ABCG2: variants seen among roughly 807,000 people sequenced by gnomAD.
ABCG2 encodes ATP binding cassette subfamily G member 2 (JR blood group).
In ABCG2, 80 loss-of-function variants were observed where a neutral mutation model predicts 73.5. The ratio of observed to expected loss-of-function variants is 1.09; its 90% CI spans 0.91 to 1.31. The LOEUF is 1.31. ABCG2 is among the 50% of genes most tolerant of loss of function. The probability of loss-of-function intolerance (pLI) is 0.00; values close to 1 mark genes in which losing one functional copy is unlikely to be tolerated. For missense variants in ABCG2, 796 were observed against 786.2 expected, an observed-to-expected ratio of 1.01 and a Z score of -0.15; for synonymous variants, 269 against 282.4, an observed-to-expected ratio of 0.95 and a Z score of 0.48.
rs1560741349 is a variant in ABCG2 at position 88,181,237 on chromosome 4, T to C, written c.-19-41223A>G. On this transcript the variant is annotated intron_variant, in intron 1 of 15. Coordinates refer to the ABCG2 transcript ENST00000515655. Reference sequence around the variant, plus strand: ...CAACATGGTGAAACCCCATCTCTACTAAAAATACAAAAACTAGACGAGCAT... The same window carrying C: ...CAACATGGTGAAACCCCATCTCTACCAAAAATACAAAAACTAGACGAGCAT... Among the ~76,000 whole-genome samples, 5 of 150,844 alleles carry C rather than the reference T, an allele frequency of 3.3e-5. No individual in the cohort carries two copies. In the South Asian group the frequency reaches 6.3e-4, roughly 19 times the overall value.
intron 7 of ABCG2, among the ~76,000 whole-genome samples, chr4:88,116,120 G>T (rs546064865): frequency 6.6e-6 from 1 of 152,230 alleles, no homozygotes; most frequent in African/African-American, 2.4e-5. Context: ...GCTTGAACCT[G>T]GGAGGTGGAG....
chr4:88,165,873 C>CAAAAAAAA (rs34377206), intron 1 of ABCG2, among the ~76,000 whole-genome samples: 1 of 138,176 alleles, frequency 7.2e-6, no homozygotes. Flanking sequence ...GACTCCATCT[C>CAAAAAAAA]AAAAAAAAAA....
chr4:88,147,632 A>G (rs1371517820), intron 1 of ABCG2, among the ~76,000 whole-genome samples: 2 of 152,202 alleles, frequency 1.3e-5, no homozygotes, highest in African/African-American at 4.8e-5. Context: ...ATTCCTATTA[A>G]GTGAAAGATT....
intron 10 of ABCG2, among the ~76,000 whole-genome samples, chr4:88,102,260 A>G (rs1722474947): frequency 6.6e-6 from 1 of 152,216 alleles, no homozygotes; most frequent in African/African-American, 2.4e-5. Flanking sequence ...AATGAAAAGG[A>G]ACACTATTAG....
intron 1 of ABCG2, among the ~76,000 whole-genome samples, chr4:88,146,648 C>T (rs939289957): frequency 6.6e-6 from 1 of 152,132 alleles, no homozygotes; most frequent in African/African-American, 2.4e-5. Flanking sequence ...CCTGCCTCAG[C>T]CTCCCAAAGT....
rs193124125 is a variant in ABCG2, at chr4:88,097,939, A to G, written c.1493-332T>C. ...ATCAATAGCACATTCATTTGCCCAT[A>G]CATCCTCACATTACTCATTGTGTGC... On this transcript the variant is annotated intron_variant, in intron 12 of 15. Coordinates refer to ENST00000237612, the MANE Select transcript of ABCG2 (RefSeq NM_004827.3). 1.5e-4 allele frequency among the ~76,000 whole-genome samples: 23 copies of G among 152,234 alleles called. 1 individual carries two copies. The highest frequency in any genetic ancestry group is 1.4e-3 in the Admixed American group (22 of 15,294).
At chr4:88,113,688 CACG>C in intron 8 of ABCG2, 135 bp from the exon 9 acceptor site, 1 of 1,170,548 alleles carries the variant, frequency 8.5e-7, no homozygotes, top group South Asian at 1.6e-5. Context: ...ATAGGCCAGG[CACG>C]GCGGCTCATG....
At chr4:88,187,836 G>T (rs558974141) in intron 1 of ABCG2, among the ~76,000 whole-genome samples, 1 of 152,250 alleles carries the variant, frequency 6.6e-6, no homozygotes, top group South Asian at 2.1e-4. Context: ...ACCAAATGGG[G>T]CAGTTTCTTA....
intron 1 of ABCG2, among the ~76,000 whole-genome samples, chr4:88,142,035 G>A (rs1725683873): frequency 6.6e-6 from 1 of 151,960 alleles, no homozygotes; most frequent in African/African-American, 2.4e-5. Flanking sequence ...CTAGTACACA[G>A]AAAACATCCA....
intron 9 of ABCG2, among the ~76,000 whole-genome samples, chr4:88,108,243 C>T (rs1722891397): frequency 6.6e-6 from 1 of 152,136 alleles, no homozygotes; most frequent in South Asian, 2.1e-4. Context: ...AAGAAATGGG[C>T]TGGGCGTGGT....
At chr4:88,164,345 G>A (rs1460171145) in intron 1 of ABCG2, among the ~76,000 whole-genome samples, 3 of 152,166 alleles carry the variant, frequency 2.0e-5, no homozygotes, top group Non-Finnish European at 4.4e-5. Context: ...GATTACAGGC[G>A]TGAGCTACGG....
At chr4:88,186,666 T>C (rs10016463) in intron 1 of ABCG2, among the ~76,000 whole-genome samples, 6,136 of 151,690 alleles carry the variant, frequency 0.04, 201 homozygotes, top group Admixed American at 0.065. Flanking sequence ...ACGCCTGTAA[T>C]CCCAGCACTT....
At chr4:88,164,656 A>T (rs1037330311) in intron 1 of ABCG2, among the ~76,000 whole-genome samples, 1 of 152,214 alleles carries the variant, frequency 6.6e-6, no homozygotes. Context: ...TAAATTACCC[A>T]GTCTCGGGTA....
At chr4:88,228,826 C>T (rs933080311) in intron 1 of ABCG2, among the ~76,000 whole-genome samples, 9 of 151,676 alleles carry the variant, frequency 5.9e-5, no homozygotes, top group South Asian at 2.1e-4. Flanking sequence ...GGATTGTAAA[C>T]GCACCAATCA....
intron 5 of ABCG2, 104 bp from the exon 6 acceptor site, chr4:88,121,896 G>T: frequency 8.7e-7 from 1 of 1,149,796 alleles, no homozygotes; most frequent in Non-Finnish European, 1.2e-6. Context: ...ATCTCATTAA[G>T]TTCATTTATT....
At position 88,144,596 on chromosome 4, in the gene ABCG2, C is replaced by T. The variant is rs190605325; in HGVS notation, c.-19-4582G>A. 1.3e-4 allele frequency among the ~76,000 whole-genome samples: 20 copies of T among 151,804 alleles called. No homozygotes were observed. In the East Asian group the frequency reaches 3.9e-3, roughly 30 times the overall value. On this transcript the variant is annotated intron_variant, in intron 1 of 15. Transcript: ENST00000237612. Reference sequence around the variant, plus strand: ...TCAGTCTCCCTAGTAGCTGGGATTACAGGCCGATGCCACAACGCCCAACTA... The same window carrying T: ...TCAGTCTCCCTAGTAGCTGGGATTATAGGCCGATGCCACAACGCCCAACTA...
In ABCG2 at chr4:88,118,011, T is replaced by C. The variant is rs2110015873; in HGVS notation, c.841+98A>G. 5 of 1,206,696 alleles carry C rather than the reference T, an allele frequency of 4.1e-6. No homozygotes were observed. In the South Asian group the frequency reaches 6.5e-5, roughly 16 times the overall value. 74.7% of individuals were successfully genotyped at this position (1,206,696 alleles called of 1,614,324 possible). A position where few individuals can be genotyped will look rare whatever the true frequency, so the allele number is the denominator to read the frequency against. On this transcript the variant is annotated intron_variant, in intron 7 of 15. Coordinates refer to ENST00000237612, the MANE Select transcript of ABCG2 (RefSeq NM_004827.3). ...TGAAGTGATAGATTCTCATGGTATG[T>C]CTACCCAAAGACCAAACAGCACTCC...
rs981048551 is a variant in ABCG2 at position 88,114,845 on chromosome 4, G to A, written c.943+112C>T. The A allele has an allele frequency of 9.2e-6, 6 of 648,932 alleles. 1 individual carries two copies. The South Asian group carries it at 1.2e-4, about 13-fold the overall frequency. The allele number at this position is 648,932 out of a possible 1,614,324, so 40.2% of individuals were successfully genotyped here. A position where few individuals can be genotyped will look rare whatever the true frequency, so the allele number is the denominator to read the frequency against. On this transcript the variant is annotated intron_variant, in intron 8 of 15. Coordinates refer to ENST00000237612, the MANE Select transcript of ABCG2 (RefSeq NM_004827.3). ...AAAATATTTGTGTTGACTGGTATCAGAAGACTGCATCAACAGAAATTCACA... is the reference window on the plus strand; with the variant it reads ...AAAATATTTGTGTTGACTGGTATCAAAAGACTGCATCAACAGAAATTCACA...
chr4:88,224,861 T>C (rs1730145810), intron 1 of ABCG2, among the ~76,000 whole-genome samples: 1 of 152,184 alleles, frequency 6.6e-6, no homozygotes, highest in African/African-American at 2.4e-5. Context: ...ATAATTTTTG[T>C]ATAGGGTGTA....
Sources: gnomAD v4.1 joint callset for allele counts (sites outside exome capture counted in the v4.1 genomes callset) on GRCh38, gnomAD v4.1.1 for gene constraint, MANE v1.5 for transcripts, NCBI Gene and HGNC (gene_info 2026-07-23, HGNC 2026-07-21) for gene names.